Variants in KCNJ12 observed in about 807,000 individuals in gnomAD.
KCNJ12 encodes the protein potassium inwardly rectifying channel subfamily J member 12, also known as ATP-sensitive inward rectifier potassium channel 12.
In KCNJ12, 2 loss-of-function variants were observed where a neutral mutation model predicts 22.3. The ratio of observed to expected loss-of-function variants is 0.09; its 90% CI spans 0.04 to 0.28. KCNJ12 has a LOEUF of 0.28. Among genes scored for constraint, KCNJ12 ranks in the 10% least tolerant of loss-of-function variants. The probability of loss-of-function intolerance (pLI) is 1.00; values close to 1 mark genes in which losing one functional copy is unlikely to be tolerated. For missense variants in KCNJ12, 155 were observed against 633.3 expected (o/e 0.24, Z 8.11); for synonymous variants, 117 against 261.4 (o/e 0.45, Z 5.33).
rs8065676 is a variant in KCNJ12, at chr17:21,413,792, C to T, written c.-56-1495C>T. Among the ~76,000 whole-genome samples the T allele has an allele frequency of 4.6e-5, 7 of 152,404 alleles. No individual in the cohort carries two copies. The South Asian group carries it at 1.0e-3, about 23-fold the overall frequency. On this transcript the variant is annotated intron_variant, in intron 2 of 2. Transcript: ENST00000583088. ...TCTGGCTGGCATGGATGCCCTGCTG[C>T]GGGGCCTGTCCTGGGGTGCCTGAAT...
At chr17:21,400,636 C>T (rs572916223) in intron 1 of KCNJ12, among the ~76,000 whole-genome samples, 37 of 152,386 alleles carry the variant, frequency 2.4e-4, no homozygotes, top group African/African-American at 7.9e-4. Context: ...CCTTTCCCGA[C>T]AAGGCCCTGG....
At chr17:21,406,251 G>A (rs1233051056) in intron 1 of KCNJ12, among the ~76,000 whole-genome samples, 4 of 152,298 alleles carry the variant, frequency 2.6e-5, no homozygotes, top group African/African-American at 4.8e-5. Flanking sequence ...GTGAGCATCG[G>A]GATGACTGCA....
At chr17:21,390,043 C>T (rs1555559128) in intron 1 of KCNJ12, among the ~76,000 whole-genome samples, 2 of 152,212 alleles carry the variant, frequency 1.3e-5, no homozygotes, top group African/African-American at 4.8e-5. Context: ...GCCCAGCTCC[C>T]AGGCCCCCAC....
At chr17:21,386,849 TA>T (rs201461669) in intron 1 of KCNJ12, among the ~76,000 whole-genome samples, 4,683 of 152,318 alleles carry the variant, frequency 0.031, 99 homozygotes, top group Non-Finnish European at 0.048. Flanking sequence ...GGGCCCACCC[TA>T]ATACAGGATG....
At chr17:21,404,539 A>C (rs1905818235) in intron 1 of KCNJ12, among the ~76,000 whole-genome samples, 1 of 152,376 alleles carries the variant, frequency 6.6e-6, no homozygotes, top group South Asian at 2.1e-4. Context: ...AGGGAGACCC[A>C]GAGAGGGACA....
chr17:21,400,212 C>T (rs1371460759), intron 1 of KCNJ12, among the ~76,000 whole-genome samples: 1 of 152,238 alleles, frequency 6.6e-6, no homozygotes, highest in Admixed American at 6.5e-5. Flanking sequence ...GCAAAGGCCA[C>T]CTGGGGGTGG....
chr17:21,417,352 A>G lies in KCNJ12; in HGVS notation c.*708A>G. 1 of 167,190 alleles carries G rather than the reference A, an allele frequency of 6.0e-6. No homozygotes were observed. 10.4% of individuals were successfully genotyped at this position (167,190 alleles called of 1,614,324 possible). On this transcript the variant is annotated 3_prime_UTR_variant, in exon 3 of 3. Coordinates refer to ENST00000583088, the MANE Select transcript of KCNJ12 (RefSeq NM_021012.5). ...TCAAGACCATGTTAATGATCGTAAT[A>G]AAAGCTTTCTACTGTCGTTGGGGTG...
chr17:21,409,943 G>A (rs1906222881), intron 2 of KCNJ12, among the ~76,000 whole-genome samples: 1 of 152,192 alleles, frequency 6.6e-6, no homozygotes, highest in Non-Finnish European at 1.5e-5. Flanking sequence ...CTCTGGTGGG[G>A]AGGTTTGGCC....
At chr17:21,412,320 C>T (rs1363547708) in intron 2 of KCNJ12, among the ~76,000 whole-genome samples, 2 of 152,286 alleles carry the variant, frequency 1.3e-5, no homozygotes, top group Non-Finnish European at 2.9e-5. Flanking sequence ...ATGCCAGGAG[C>T]TGTGGCAGCA....
Position 21,419,775 on chromosome 17 carries a change from A to T in KCNJ12, c.*3131A>T, listed in dbSNP as rs1907047469. On this transcript the variant is annotated 3_prime_UTR_variant, in exon 3 of 3. Transcript: ENST00000583088. ...AATGTCAAATTATTTTAAATGGTGAAACTGGAGAGTTTTCATGTTATTTTC... is the reference window on the plus strand; with the variant it reads ...AATGTCAAATTATTTTAAATGGTGATACTGGAGAGTTTTCATGTTATTTTC... 1 of 167,478 alleles carries T rather than the reference A, an allele frequency of 6.0e-6. No homozygotes were observed. The highest frequency in any genetic ancestry group is 6.5e-5 in the Admixed American group (1 of 15,300). 10.4% of individuals were successfully genotyped at this position (167,478 alleles called of 1,614,324 possible).
intron 1 of KCNJ12, among the ~76,000 whole-genome samples, chr17:21,379,686 G>T (rs1904798355): frequency 6.6e-6 from 1 of 152,060 alleles, no homozygotes; most frequent in South Asian, 2.1e-4. Context: ...AACTGGCAGC[G>T]TGATGGGGAC....
In KCNJ12 at chr17:21,416,694, C is replaced by T. The variant is rs782154190; in HGVS notation, c.*50C>T. On this transcript the variant is annotated 3_prime_UTR_variant, in exon 3 of 3. Transcript: ENST00000583088. ...TCCACCCCCGGCTGGGGAGAGGCCCCGCGGTCGCTCAGGGGCCCCGGGTTT... is the reference window on the plus strand; with the variant it reads ...TCCACCCCCGGCTGGGGAGAGGCCCTGCGGTCGCTCAGGGGCCCCGGGTTT... The T allele has an allele frequency of 3.2e-5, 48 of 1,516,794 alleles. No homozygotes were observed. Among genetic ancestry groups the T allele is most frequent in the African/African-American group, 1.7e-4 (12 of 72,180 alleles). The allele number at this position is 1,516,794 out of a possible 1,614,324, so 94.0% of individuals were successfully genotyped here.
chr17:21,386,961 A>G (rs1356871774), intron 1 of KCNJ12, among the ~76,000 whole-genome samples: 1 of 152,240 alleles, frequency 6.6e-6, no homozygotes, highest in East Asian at 1.9e-4. Flanking sequence ...GGCACCATTC[A>G]GCCACTACTC....
At chr17:21,384,766 GT>G (rs1416388913) in intron 1 of KCNJ12, among the ~76,000 whole-genome samples, 1 of 125,570 alleles carries the variant, frequency 8.0e-6, no homozygotes, top group East Asian at 2.2e-4. Flanking sequence ...GTTGTTGTTT[GT>G]TTGTTTTTTT....
intron 2 of KCNJ12, among the ~76,000 whole-genome samples, chr17:21,412,654 A>G (rs1241818311): frequency 1.3e-5 from 2 of 152,290 alleles, no homozygotes; most frequent in Non-Finnish European, 2.9e-5. Flanking sequence ...CCGGCTCCCT[A>G]CTTCCAGGCC....
intron 1 of KCNJ12, among the ~76,000 whole-genome samples, chr17:21,386,341 T>C (rs930096218): frequency 3.9e-5 from 6 of 152,088 alleles, no homozygotes; most frequent in Non-Finnish European, 8.8e-5. Flanking sequence ...CTCTCCTCTC[T>C]CTCACTCTTT....
intron 1 of KCNJ12, among the ~76,000 whole-genome samples, chr17:21,379,124 A>C (rs1904775254): frequency 6.6e-6 from 1 of 152,212 alleles, no homozygotes; most frequent in Non-Finnish European, 1.5e-5. Flanking sequence ...CAGCAAAATA[A>C]TAATGACAGC....
intron 1 of KCNJ12, among the ~76,000 whole-genome samples, chr17:21,402,350 GTT>G (rs10714057): frequency 1.3e-5 from 2 of 152,006 alleles, no homozygotes; most frequent in Non-Finnish European, 2.9e-5. Flanking sequence ...TCCTCAGCCT[GTT>G]TTTTTTTGGT....
rs138132047 is a variant in KCNJ12 at position 21,415,421 on chromosome 17, G to A, written c.79G>A (p.Gly27Ser). 6.2e-7 allele frequency: 1 copy of A among 1,613,896 alleles called. No individual in the cohort carries two copies. The highest frequency in any genetic ancestry group is 8.5e-7 in the Non-Finnish European group (1 of 1,180,050). Residue 27 changes from glycine (G) to serine (S), a missense_variant, in exon 3 of 3, where the codon GGC (glycine) becomes AGC (serine). By Grantham distance (56) the Gly-to-Ser change is moderately conservative. Coordinates refer to ENST00000583088, the MANE Select transcript of KCNJ12 (RefSeq NM_021012.5). Reference sequence around the variant, plus strand: ...CGGGCTGCACCTGGTCACCATGTCGGGCGCCAACGGCTTCGGCAACGGCAA... The same window carrying A: ...CGGGCTGCACCTGGTCACCATGTCGAGCGCCAACGGCTTCGGCAACGGCAA... ...EDGLHLVTMSGANGFGNGKVH... is the reference protein window; with the variant it reads ...EDGLHLVTMSSANGFGNGKVH...
Sources: allele counts gnomAD v4.1 joint callset (sites outside exome capture counted in the v4.1 genomes callset), GRCh38; gene constraint gnomAD v4.1.1; transcripts MANE v1.5; gene names NCBI Gene and HGNC (gene_info 2026-07-23, HGNC 2026-07-21).